Variants in LDLRAD4 observed in about 807,000 individuals in gnomAD.
The protein encoded by LDLRAD4 is low-density lipoprotein receptor class A domain-containing protein 4.
A neutral mutation model predicts 17.0 loss-of-function variants in LDLRAD4; 5 were observed. That is an observed-to-expected ratio of 0.29 (90% confidence interval 0.15 to 0.62). The LOEUF is 0.62. LDLRAD4 is among the 20% of genes least tolerant of loss of function. LDLRAD4 has a pLI of 0.84. For synonymous variants in LDLRAD4, 168 were observed against 171.8 expected (o/e 0.98, Z 0.17); for missense variants, 340 against 424.7 (o/e 0.80, Z 1.75).
At chr18:13,256,496 G>A (rs1356869687) in intron 1 of LDLRAD4, among the ~76,000 whole-genome samples, 1 of 152,154 alleles carries the variant, frequency 6.6e-6, no homozygotes, top group African/African-American at 2.4e-5. Flanking sequence ...TTAAAGTTTG[G>A]GAAATACTGA....
intron 1 of LDLRAD4, among the ~76,000 whole-genome samples, chr18:13,253,455 C>T (rs2043334917): frequency 6.6e-6 from 1 of 152,184 alleles, no homozygotes; most frequent in Admixed American, 6.5e-5. Context: ...CTTGAAGGAA[C>T]TCCAAAGCCT....
rs139310567 is a variant in LDLRAD4, at chr18:13,352,064, C to A, written c.-382-35277C>A. Among the ~76,000 whole-genome samples the A allele has an allele frequency of 3.2e-4, 48 of 152,238 alleles. No homozygotes were observed. The East Asian group carries it at 8.7e-3, about 28-fold the overall frequency. On this transcript the variant is annotated intron_variant, in intron 1 of 5. Transcript: ENST00000359446. ...AAAGGCCTTTGATAAAATTCAACAT[C>A]CCTTTGTGTTAAAAACTCTCAATAA...
chr18:13,404,444 C>T (rs1028341236), intron 2 of LDLRAD4, among the ~76,000 whole-genome samples: 3 of 152,232 alleles, frequency 2.0e-5, no homozygotes, highest in East Asian at 3.9e-4. Context: ...GTGGACACAG[C>T]CCACTCACTG....
intron 3 of LDLRAD4, among the ~76,000 whole-genome samples, chr18:13,610,546 G>A (rs1261088113): frequency 6.6e-6 from 1 of 151,820 alleles, no homozygotes; most frequent in Non-Finnish European, 1.5e-5. Flanking sequence ...CTCGGCCTCC[G>A]AAAGTGCTAG....
intron 1 of LDLRAD4, among the ~76,000 whole-genome samples, chr18:13,363,535 A>G (rs1333497963): frequency 6.6e-6 from 1 of 152,168 alleles, no homozygotes. Context: ...CAAACCTGTT[A>G]TGCATCGTGT....
chr18:13,327,196 A>G (rs2081582018), intron 1 of LDLRAD4, among the ~76,000 whole-genome samples: 1 of 152,018 alleles, frequency 6.6e-6, no homozygotes, highest in Non-Finnish European at 1.5e-5. Flanking sequence ...CTTCTGAAGA[A>G]ATGATGATGT....
intron 3 of LDLRAD4, among the ~76,000 whole-genome samples, chr18:13,444,923 A>G (rs2146274692): frequency 6.6e-6 from 1 of 152,352 alleles, no homozygotes; most frequent in Non-Finnish European, 1.5e-5. Flanking sequence ...CTGCATGAGA[A>G]GACAAAGGAA....
At chr18:13,610,236 C>A (rs1394654396) in intron 3 of LDLRAD4, among the ~76,000 whole-genome samples, 1 of 139,460 alleles carries the variant, frequency 7.2e-6, no homozygotes, top group Non-Finnish European at 1.5e-5. Flanking sequence ...AAGAACTTTT[C>A]CAGTTCCATG....
At chr18:13,404,043 C>T (rs539347475) in intron 2 of LDLRAD4, among the ~76,000 whole-genome samples, 1 of 152,236 alleles carries the variant, frequency 6.6e-6, no homozygotes, top group African/African-American at 2.4e-5. Flanking sequence ...CCACCCTGTC[C>T]CCCAGTGGCT....
At chr18:13,641,873 C>G in intron 4 of LDLRAD4, 1 of 985,470 alleles carries the variant, frequency 1.0e-6, no homozygotes, top group Non-Finnish European at 1.2e-6. Flanking sequence ...TTTCAGGAAC[C>G]GCTCAGCCCC....
At chr18:13,403,503 T>C (rs1268925822) in intron 2 of LDLRAD4, among the ~76,000 whole-genome samples, 1 of 152,246 alleles carries the variant, frequency 6.6e-6, no homozygotes, top group Non-Finnish European at 1.5e-5. Flanking sequence ...TGAGTGTATG[T>C]TGGCAGTTCC....
At chr18:13,644,689 C>T (rs2042912673) in intron 5 of LDLRAD4, 1 of 159,054 alleles carries the variant, frequency 6.3e-6, no homozygotes, top group Non-Finnish European at 1.4e-5. Flanking sequence ...AGCAGGCAGC[C>T]CTGTCCTGTC....
rs2145913663 is a variant in LDLRAD4 at position 13,258,627 on chromosome 18, T to G, written c.-466-19478T>G. Among the ~76,000 whole-genome samples, 2 of 152,360 alleles carry G rather than the reference T, an allele frequency of 1.3e-5. 1 individual carries two copies. The highest frequency in any genetic ancestry group is 4.1e-4 in the South Asian group (2 of 4,834). On this transcript the variant is annotated intron_variant, in intron 1 of 5. Transcript: ENST00000399848. ...ATTACATTCTTTTTCAGAATTGTCC[T>G]TCCTTCCTTTTTACTGGGTCCCATA...
At chr18:13,642,565 G>A in intron 4 of LDLRAD4, 1 of 1,228,376 alleles carries the variant, frequency 8.1e-7, no homozygotes, top group Non-Finnish European at 1.0e-6. Context: ...GACACTCGCT[G>A]GAGGATCCTG....
chr18:13,447,114 C>T (rs2091460265), intron 3 of LDLRAD4, among the ~76,000 whole-genome samples: 1 of 152,040 alleles, frequency 6.6e-6, no homozygotes, highest in South Asian at 2.1e-4. Flanking sequence ...GTGCTTTGGA[C>T]AGGGCTCCCC....
At chr18:13,253,733 T>A (rs1436012001) in intron 1 of LDLRAD4, among the ~76,000 whole-genome samples, 6 of 152,346 alleles carry the variant, frequency 3.9e-5, no homozygotes, top group African/African-American at 1.4e-4. Context: ...ATGTTTTATT[T>A]CTTTTCATTA....
At chr18:13,608,536 C>G (rs190318841) in intron 3 of LDLRAD4, among the ~76,000 whole-genome samples, 1 of 152,182 alleles carries the variant, frequency 6.6e-6, no homozygotes, top group African/African-American at 2.4e-5. Context: ...GAGCTACTAA[C>G]TTACCATACT....
At chr18:13,376,564 C>T (rs1055195045) in intron 1 of LDLRAD4, among the ~76,000 whole-genome samples, 1 of 152,212 alleles carries the variant, frequency 6.6e-6, no homozygotes, top group Non-Finnish European at 1.5e-5. Flanking sequence ...TACACAGGGG[C>T]TTCTTCTGCG....
chr18:13,478,934 T>C (rs2093015711), intron 3 of LDLRAD4, among the ~76,000 whole-genome samples: 1 of 152,174 alleles, frequency 6.6e-6, no homozygotes, highest in South Asian at 2.1e-4. Flanking sequence ...GATGGATCAG[T>C]TGACAGAGCA....
Sources: gnomAD v4.1 joint callset for allele counts (sites outside exome capture counted in the v4.1 genomes callset) on GRCh38, gnomAD v4.1.1 for gene constraint, MANE v1.5 for transcripts, NCBI Gene and HGNC (gene_info 2026-07-23, HGNC 2026-07-21) for gene names.